Variants in AOX1 observed in about 807,000 individuals in gnomAD.
The protein encoded by AOX1 is aldehyde oxidase.
In AOX1, 153 loss-of-function variants were observed where a neutral mutation model predicts 169.5. That is an observed-to-expected ratio of 0.90 (90% CI 0.79 to 1.03). The LOEUF is 1.03. AOX1 is among the 50% of genes least tolerant of loss of function. The pLI, the probability that AOX1 is intolerant of heterozygous loss-of-function variation, is 0.00. For synonymous variants in AOX1, 562 were observed against 581.9 expected, an observed-to-expected ratio of 0.97 and a Z score of 0.49; for missense variants, 1,656 against 1,663.9, an observed-to-expected ratio of 1.00 and a Z score of 0.08.
chr2:200,613,379 C>A (rs2034686064), intron 14 of AOX1, among the ~76,000 whole-genome samples: 1 of 152,052 alleles, frequency 6.6e-6, no homozygotes. Context: ...ACTTTGGTTC[C>A]CTAGCTGTCA....
At chr2:200,606,614 G>A (rs1020084633) in intron 10 of AOX1, among the ~76,000 whole-genome samples, 8 of 152,192 alleles carry the variant, frequency 5.3e-5, no homozygotes, top group African/African-American at 1.9e-4. Flanking sequence ...CTATCCATGA[G>A]CATGGAATGT....
At chr2:200,605,437 A>G in intron 9 of AOX1, 99 bp from the exon 10 acceptor site, 1 of 468,146 alleles carries the variant, frequency 2.1e-6, no homozygotes, top group East Asian at 3.5e-5. Context: ...ATATTTTTAG[A>G]TATTTAAAGA....
At chr2:200,604,160 T>A in intron 8 of AOX1, 63 bp downstream of exon 8, 3 of 1,254,974 alleles carry the variant, frequency 2.4e-6, no homozygotes, top group Non-Finnish European at 3.5e-6. Flanking sequence ...GGAAGGGTAT[T>A]TGTTTATGGG....
chr2:200,624,447 A>T (rs2034959852), intron 19 of AOX1, among the ~76,000 whole-genome samples: 2 of 152,140 alleles, frequency 1.3e-5, no homozygotes, highest in South Asian at 4.1e-4. Context: ...AGGGGAGTGT[A>T]GGAAACTGAA....
At chr2:200,670,375 G>A (rs142103390) in intron 34 of AOX1, among the ~76,000 whole-genome samples, 1,666 of 152,198 alleles carry the variant, frequency 0.011, 10 homozygotes, top group Non-Finnish European at 0.017. Context: ...CCCCTGACAC[G>A]TTGCTTTTTC....
chr2:200,647,441 C>T (rs573556894), intron 25 of AOX1, among the ~76,000 whole-genome samples: 90 of 152,336 alleles, frequency 5.9e-4, no homozygotes, highest in Non-Finnish European at 1.1e-3. Context: ...TGTAGGGTTT[C>T]TGCTGAGAAA....
At chr2:200,601,372 C>T (rs2034410439) in intron 5 of AOX1, among the ~76,000 whole-genome samples, 1 of 151,936 alleles carries the variant, frequency 6.6e-6, no homozygotes, top group Non-Finnish European at 1.5e-5. Flanking sequence ...GGAGTAAGTC[C>T]TAGAGATACT....
chr2:200,676,164 CTTCT>C (rs775793201), downstream of AOX1, among the ~76,000 whole-genome samples: 26 of 151,678 alleles, frequency 1.7e-4, no homozygotes, highest in Admixed American at 3.9e-4. Flanking sequence ...TAAAATAAGC[CTTCT>C]ATTTGTAATT....
intron 20 of AOX1, among the ~76,000 whole-genome samples, chr2:200,628,008 C>T (rs2035041389): frequency 6.6e-6 from 1 of 151,976 alleles, no homozygotes; most frequent in African/African-American, 2.4e-5. Context: ...GACTTCTTTG[C>T]TGTATGTATG....
chr2:200,657,190 A>ATATATATATATATATATATATATATTT, intron 27 of AOX1, among the ~76,000 whole-genome samples: 8 of 62,876 alleles, frequency 1.3e-4, no homozygotes, highest in Non-Finnish European at 1.8e-4. Context: ...ATATATATAT[A>ATATATATATATATATATATATATATTT]TTTTTTTTTT....
In AOX1 at chr2:200,668,704, A is replaced by G; in HGVS notation, c.3699A>G (p.Pro1233=). 6.2e-7 allele frequency: 1 copy of G among 1,614,240 alleles called. No individual in the cohort carries two copies. Residue 1233 remains proline (P), a synonymous_variant, in exon 33 of 35, where the codon CCA becomes CCG. Coordinates refer to ENST00000374700, the MANE Select transcript of AOX1 (RefSeq NM_001159.4). ...SPQGILHTRG[P]DQYKIPAICD... The stretch of plus-strand genomic sequence containing the variant: ...AGGGCATTCTGCACACTCGTGGTCC[A>G]GACCAATATAAAATCCCTGCCATCT...
At chr2:200,667,106 G>A (rs1409690238) in intron 32 of AOX1, among the ~76,000 whole-genome samples, 1 of 152,204 alleles carries the variant, frequency 6.6e-6, no homozygotes, top group East Asian at 1.9e-4. Context: ...GGAGTTTGAA[G>A]TCGTGTTGGG....
chr2:200,605,433 T>TCAA (rs2034493734), intron 9 of AOX1, 103 bp from the exon 10 acceptor site: 1 of 463,344 alleles, frequency 2.2e-6, no homozygotes, highest in Non-Finnish European at 3.7e-6. Flanking sequence ...TACAATATTT[T>TCAA]TAGATATTTA....
In AOX1 at chr2:200,651,177, C is replaced by T; in HGVS notation, c.3051C>T (p.Gly1017=). Reference sequence around the variant, plus strand: ...TGGTCCCCCTGAAGTTTCCTGTTGGCCTTGGCTCACGTGCTGCTGGTCAGG... The same window carrying T: ...TGGTCCCCCTGAAGTTTCCTGTTGGTCTTGGCTCACGTGCTGCTGGTCAGG... ...LAMVPLKFPV[G]LGSRAAGQAA... The change falls in exon 26 of 35, where the codon GGC becomes GGT. Residue 1017 remains glycine (G), a synonymous_variant. Transcript: ENST00000374700. The T allele has an allele frequency of 1.2e-6, 2 of 1,614,154 alleles. No homozygotes were observed. Among genetic ancestry groups the T allele is most frequent in the Non-Finnish European group, 1.7e-6 (2 of 1,180,016 alleles).
At position 200,609,353 on chromosome 2, in the gene AOX1, A is replaced by G. The variant is rs2034583067; in HGVS notation, c.1092A>G (p.Pro364=). The G allele has an allele frequency of 1.1e-5, 17 of 1,614,034 alleles. No homozygotes were observed. The highest frequency in any genetic ancestry group is 1.4e-5 in the Non-Finnish European group (16 of 1,179,896). Residue 364 remains proline, a synonymous_variant, in exon 12 of 35, where the codon CCA becomes CCG. Transcript: ENST00000374700. ...SLGGHIISRH[P]DSDLNPILAV... is the part of the protein sequence containing the mutation. ...GGGGACACATCATTAGCAGGCATCC[A>G]GATTCAGATCTGAATCCCATCCTGG...
intron 20 of AOX1, among the ~76,000 whole-genome samples, chr2:200,632,902 C>CT (rs1292199790): frequency 1.0e-3 from 141 of 140,042 alleles, no homozygotes; most frequent in East Asian, 2.9e-3. Flanking sequence ...TTCTTTCTTT[C>CT]TTTTTTTTTT....
chr2:200,669,769 A>T, intron 34 of AOX1, 27 bp downstream of exon 34: 1 of 1,604,532 alleles, frequency 6.2e-7, no homozygotes, highest in Non-Finnish European at 8.5e-7. Context: ...GAAAAAAAAT[A>T]GTGATCATAA....
intron 27 of AOX1, among the ~76,000 whole-genome samples, chr2:200,658,269 T>A (rs1198711652): frequency 6.6e-6 from 1 of 152,194 alleles, no homozygotes; most frequent in African/African-American, 2.4e-5. Flanking sequence ...TTGTTGAAAA[T>A]TTGTAGATAA....
chr2:200,668,262 C>T (rs1215950283), intron 32 of AOX1, among the ~76,000 whole-genome samples: 2 of 152,026 alleles, frequency 1.3e-5, no homozygotes, highest in African/African-American at 2.4e-5. Flanking sequence ...TGCACCATCA[C>T]ACCCAGCTAA....
Sources: gnomAD v4.1 joint callset for allele counts (sites outside exome capture counted in the v4.1 genomes callset) on GRCh38, gnomAD v4.1.1 for gene constraint, MANE v1.5 for transcripts, NCBI Gene and HGNC (gene_info 2026-07-23, HGNC 2026-07-21) for gene names.